Variants in MTUS2 observed in about 807,000 individuals in gnomAD.
The protein encoded by MTUS2 is microtubule-associated tumor suppressor candidate 2.
A neutral mutation model predicts 114.1 loss-of-function variants in MTUS2; 40 were observed. The ratio of observed to expected loss-of-function variants is 0.35; its 90% CI spans 0.27 to 0.46. The LOEUF is 0.46. Among genes scored for constraint, MTUS2 ranks in the 20% least tolerant of loss-of-function variants. The pLI, the probability that MTUS2 is intolerant of heterozygous loss-of-function variation, is 1.00. For missense variants in MTUS2, 1,679 were observed against 1,705.4 expected (o/e 0.98, Z 0.27); for synonymous variants, 688 against 672.0 (o/e 1.02, Z -0.37).
At chr13:29,198,166 T>C (rs1894782159) in intron 5 of MTUS2, among the ~76,000 whole-genome samples, 1 of 152,236 alleles carries the variant, frequency 6.6e-6, no homozygotes, top group South Asian at 2.1e-4. Context: ...TGAATGGTAT[T>C]GCCTAGGTTT....
chr13:29,156,737 G>T (rs189926892), intron 5 of MTUS2, among the ~76,000 whole-genome samples: 7 of 152,278 alleles, frequency 4.6e-5, no homozygotes, highest in East Asian at 3.9e-4. Flanking sequence ...TATATGAAAA[G>T]ATACCTATAT....
intron 2 of MTUS2, among the ~76,000 whole-genome samples, chr13:28,972,600 C>A (rs1192810016): frequency 2.0e-5 from 3 of 152,150 alleles, no homozygotes; most frequent in Non-Finnish European, 2.9e-5. Context: ...TACCCTTTGG[C>A]CCAAGGTACA....
chr13:29,360,695 C>CG lies in MTUS2; in HGVS notation c.3117+1222_3117+1223insG, dbSNP rs1555269189. Among the ~76,000 whole-genome samples the CG allele has an allele frequency of 1.3e-4, 18 of 139,942 alleles. No individual in the cohort carries two copies. In the East Asian group the frequency reaches 2.1e-3, roughly 16 times the overall value. 91.8% of individuals were successfully genotyped at this position (139,942 alleles called of 152,430 possible). A position where few individuals can be genotyped will look rare whatever the true frequency, so the allele number is the denominator to read the frequency against. On this transcript the variant is annotated intron_variant, in intron 8 of 15. Transcript: ENST00000612955. Reference sequence around the variant, plus strand: ...TGCATAAAGTAGCCGAACACCCCCCCCCCCCCGTAAGAATTAAAGTTACAA... The same window carrying CG: ...TGCATAAAGTAGCCGAACACCCCCCCGCCCCCCGTAAGAATTAAAGTTACAA...
In MTUS2 at chr13:29,209,834, T is replaced by C. The variant is rs138272210; in HGVS notation, c.2645-71870T>C. Among the ~76,000 whole-genome samples the C allele has an allele frequency of 3.4e-3, 518 of 152,312 alleles. 4 individuals are homozygous for C. The highest frequency in any genetic ancestry group is 0.012 in the African/African-American group (492 of 41,578). On this transcript the variant is annotated intron_variant, in intron 5 of 15. Transcript: ENST00000612955. ...GATAGGTATTCCTCTATAAGTTACT[T>C]GTTACTTTTTCCTCACAGCTTTTAA...
intron 2 of MTUS2, among the ~76,000 whole-genome samples, chr13:28,855,867 T>C (rs1876593804): frequency 6.6e-6 from 1 of 152,176 alleles, no homozygotes; most frequent in South Asian, 2.1e-4. Flanking sequence ...CCACAATAGT[T>C]GAAGTAATTT....
chr13:29,130,372 G>A (rs1193561268), intron 5 of MTUS2, among the ~76,000 whole-genome samples: 3 of 151,876 alleles, frequency 2.0e-5, no homozygotes, highest in Non-Finnish European at 2.9e-5. Context: ...CAGCCTCCTC[G>A]CTCTTCCTTC....
chr13:29,390,172 GTGTGTT>G (rs1424880295), intron 8 of MTUS2, among the ~76,000 whole-genome samples: 8 of 145,478 alleles, frequency 5.5e-5, no homozygotes, highest in African/African-American at 2.2e-4. Flanking sequence ...TTGTGTGTGT[GTGTGTT>G]TATGAATATA....
intron 8 of MTUS2, among the ~76,000 whole-genome samples, chr13:29,388,465 G>T (rs1328734084): frequency 6.6e-6 from 1 of 150,882 alleles, no homozygotes; most frequent in African/African-American, 2.4e-5. Context: ...GATTACTGAG[G>T]CTAAACTTCC....
At chr13:29,495,181 C>CAAA (rs71090260) in intron 12 of MTUS2, among the ~76,000 whole-genome samples, 35 of 30,048 alleles carry the variant, frequency 1.2e-3, no homozygotes, top group Non-Finnish European at 1.4e-3. Flanking sequence ...AACTCCGTCT[C>CAAA]AAAAAAAAAA....
At chr13:29,091,115 C>G (rs1209707748) in intron 4 of MTUS2, among the ~76,000 whole-genome samples, 3 of 152,054 alleles carry the variant, frequency 2.0e-5, no homozygotes, top group Non-Finnish European at 4.4e-5. Context: ...TATCCTTCCT[C>G]TATTGATTCT....
At chr13:29,442,929 T>C (rs1010407068) in intron 9 of MTUS2, among the ~76,000 whole-genome samples, 1 of 152,206 alleles carries the variant, frequency 6.6e-6, no homozygotes, top group South Asian at 2.1e-4. Context: ...TAGCAAGATA[T>C]GTTGGTCTTA....
Position 29,439,877 on chromosome 13 carries a change from C to T in MTUS2, c.3118-106C>T, listed in dbSNP as rs186994713. 3.4e-4 allele frequency: 306 copies of T among 908,460 alleles called. 1 individual carries two copies. In the African/African-American group the frequency reaches 4.2e-3, roughly 13 times the overall value. 56.3% of individuals were successfully genotyped at this position (908,460 alleles called of 1,614,324 possible). Reference sequence around the variant, plus strand: ...AATGTGAAAATTATCTCCTTAAGGACTAGACTTATAAATATTTGCTTAATA... The same window carrying T: ...AATGTGAAAATTATCTCCTTAAGGATTAGACTTATAAATATTTGCTTAATA... On this transcript the variant is annotated intron_variant, in intron 8 of 15. Transcript: ENST00000612955.
At chr13:28,973,424 C>G (rs1440479355) in intron 2 of MTUS2, among the ~76,000 whole-genome samples, 1 of 152,080 alleles carries the variant, frequency 6.6e-6, no homozygotes, top group African/African-American at 2.4e-5. Context: ...AAATATATTT[C>G]TGAGGGTCAT....
At chr13:29,290,239 A>G (rs1898649802) in intron 6 of MTUS2, among the ~76,000 whole-genome samples, 2 of 152,166 alleles carry the variant, frequency 1.3e-5, no homozygotes, top group Admixed American at 6.5e-5. Flanking sequence ...TTCCTAGGTC[A>G]TGTTCCCTTT....
intron 1 of MTUS2, among the ~76,000 whole-genome samples, chr13:28,829,824 G>A (rs1874538854): frequency 6.6e-6 from 1 of 152,208 alleles, no homozygotes; most frequent in African/African-American, 2.4e-5. Flanking sequence ...AGCTACCTAT[G>A]GGGGCTTTAA....
intron 2 of MTUS2, among the ~76,000 whole-genome samples, chr13:29,004,083 A>G (rs971140484): frequency 5.3e-5 from 8 of 152,182 alleles, no homozygotes; most frequent in Admixed American, 2.6e-4. Context: ...AGAATTACCC[A>G]AAAGTAGGAA....
chr13:28,984,644 C>T (rs112118435), intron 2 of MTUS2, among the ~76,000 whole-genome samples: 75 of 152,242 alleles, frequency 4.9e-4, no homozygotes, highest in African/African-American at 1.4e-3. Context: ...ACCCCTATGA[C>T]GTAATTTGTC....
At chr13:29,221,584 T>A (rs779956429) in intron 5 of MTUS2, among the ~76,000 whole-genome samples, 1 of 152,182 alleles carries the variant, frequency 6.6e-6, no homozygotes, top group Non-Finnish European at 1.5e-5. Flanking sequence ...TAGACTTCTT[T>A]ATATATCCTG....
chr13:28,949,609 C>T (rs1322431155), intron 2 of MTUS2, among the ~76,000 whole-genome samples: 3 of 152,036 alleles, frequency 2.0e-5, no homozygotes, highest in African/African-American at 7.2e-5. Context: ...CCATAAACAA[C>T]AACTCCCTAT....
Sources: allele counts gnomAD v4.1 joint callset (sites outside exome capture counted in the v4.1 genomes callset), GRCh38; gene constraint gnomAD v4.1.1; transcripts MANE v1.5; gene names NCBI Gene and HGNC (gene_info 2026-07-23, HGNC 2026-07-21).